Variants in PHLPP1 observed in about 807,000 individuals in gnomAD.
PHLPP1 encodes PH domain and leucine rich repeat protein phosphatase 1.
In PHLPP1, 42 loss-of-function variants were observed where a neutral mutation model predicts 117.2. The ratio of observed to expected loss-of-function variants is 0.36; its 90% CI spans 0.28 to 0.46. PHLPP1 has a LOEUF of 0.46. Among genes scored for constraint, PHLPP1 ranks in the 20% least tolerant of loss-of-function variants. The probability of loss-of-function intolerance (pLI) is 1.00; values close to 1 mark genes in which losing one functional copy is unlikely to be tolerated. For missense variants in PHLPP1, 2,084 were observed against 2,241.9 expected (o/e 0.93, Z 1.42); for synonymous variants, 1,042 against 970.7 (o/e 1.07, Z -1.37).
chr18:62,946,586 TCA>T, intron 12 of PHLPP1, among the ~76,000 whole-genome samples: 1 of 152,296 alleles, frequency 6.6e-6, no homozygotes, highest in South Asian at 2.1e-4. Context: ...TAACTTTTTA[TCA>T]CAACAGTTTT....
At chr18:62,824,273 A>G (rs1914548280) in intron 1 of PHLPP1, 1 of 444,352 alleles carries the variant, frequency 2.3e-6, no homozygotes, top group Admixed American at 2.6e-5. Context: ...GTCTATACCA[A>G]GACTTGTACA....
intron 1 of PHLPP1, among the ~76,000 whole-genome samples, chr18:62,807,175 T>C (rs1913974972): frequency 6.6e-6 from 1 of 152,150 alleles, no homozygotes; most frequent in African/African-American, 2.4e-5. Flanking sequence ...TTTTCTTCTT[T>C]GTTATACAAA....
chr18:62,958,595 A>T (rs760221742), intron 12 of PHLPP1, 34 bp from the exon 13 acceptor site: 8 of 1,612,204 alleles, frequency 5.0e-6, no homozygotes, highest in Non-Finnish European at 5.9e-6. Context: ...TCTCTAGACC[A>T]TCTCTTTCTT....
chr18:62,735,410 C>G (rs139205878), intron 1 of PHLPP1, among the ~76,000 whole-genome samples: 1 of 152,172 alleles, frequency 6.6e-6, no homozygotes, highest in East Asian at 1.9e-4. Context: ...AGATACCACA[C>G]AGAAGTTCAT....
At position 62,903,667 on chromosome 18, in the gene PHLPP1, A is replaced by G. The variant is rs540144272; in HGVS notation, c.2647+501A>G. Among the ~76,000 whole-genome samples the G allele has an allele frequency of 3.4e-4, 52 of 151,926 alleles. 1 individual carries two copies. Among genetic ancestry groups the G allele is most frequent in the Non-Finnish European group, 4.6e-4 (31 of 67,962 alleles). On this transcript the variant is annotated intron_variant, in intron 7 of 16. Transcript: ENST00000262719. ...TAGTCCCAGCTACTTGGGAATGGGA[A>G]GCTGAGGCAGGAGGATTGCTGGAGC...
At chr18:62,931,038 T>C (rs1909790203) in intron 10 of PHLPP1, among the ~76,000 whole-genome samples, 1 of 150,754 alleles carries the variant, frequency 6.6e-6, no homozygotes, top group Admixed American at 6.6e-5. Context: ...AAAAAGAAAA[T>C]ACAAAAAAAT....
intron 10 of PHLPP1, among the ~76,000 whole-genome samples, chr18:62,920,687 G>C (rs532355059): frequency 6.6e-6 from 1 of 152,214 alleles, no homozygotes; most frequent in South Asian, 2.1e-4. Context: ...AGCCTCCCAA[G>C]TAGCTGGAAC....
intron 1 of PHLPP1, among the ~76,000 whole-genome samples, chr18:62,741,269 T>G (rs573336577): frequency 6.6e-6 from 1 of 152,328 alleles, no homozygotes; most frequent in Non-Finnish European, 1.5e-5. Context: ...ACTTTGTATT[T>G]ATTGGGCTAG....
intron 1 of PHLPP1, among the ~76,000 whole-genome samples, chr18:62,817,694 A>C (rs542649897): frequency 4.1e-4 from 62 of 152,134 alleles, no homozygotes; most frequent in Non-Finnish European, 8.1e-4. Flanking sequence ...ATCAAATTTG[A>C]CCATAAATCT....
chr18:62,843,644 GGTTGTAAATTCATTC>G (rs1306207751), intron 3 of PHLPP1, among the ~76,000 whole-genome samples: 2 of 152,112 alleles, frequency 1.3e-5, no homozygotes, highest in Non-Finnish European at 2.9e-5. Flanking sequence ...TTACTATATT[GGTTGTAAATTCATTC>G]CTAAAATATT....
At chr18:62,893,704 T>TTA (rs552099132) in intron 4 of PHLPP1, among the ~76,000 whole-genome samples, 51 of 152,226 alleles carry the variant, frequency 3.4e-4, no homozygotes, top group African/African-American at 1.2e-3. Context: ...TTTAAAGGAG[T>TTA]TAGCATAACG....
chr18:62,875,016 G>A (rs1381450015), intron 4 of PHLPP1, among the ~76,000 whole-genome samples: 3 of 152,144 alleles, frequency 2.0e-5, no homozygotes, highest in Admixed American at 6.5e-5. Context: ...GTACAGTGGC[G>A]CGATCTTGGC....
chr18:62,860,005 G>A (rs1915593441), intron 3 of PHLPP1, among the ~76,000 whole-genome samples: 1 of 152,228 alleles, frequency 6.6e-6, no homozygotes, highest in Non-Finnish European at 1.5e-5. Flanking sequence ...GCAAACATCA[G>A]TGTGTACTTA....
Position 62,900,433 on chromosome 18 carries a change from C to CTTTTTTTTTTTTTT in PHLPP1, c.2445-2516_2445-2503dup, listed in dbSNP as rs774225759. ...GTATTCTTGTTTTTTCTTTTTCTTTCTTTTTTTTTTTTTTTTTTTTTTTTT... is the reference window on the plus strand; with the variant it reads ...GTATTCTTGTTTTTTCTTTTTCTTTCTTTTTTTTTTTTTTTTTTTTTTTTTTTTTTTTTTTTTTT... On this transcript the variant is annotated intron_variant, in intron 6 of 16. Coordinates refer to ENST00000262719, the MANE Select transcript of PHLPP1 (RefSeq NM_194449.4). Among the ~76,000 whole-genome samples, 7 of 54,258 alleles carry CTTTTTTTTTTTTTT rather than the reference C, an allele frequency of 1.3e-4. 2 individuals carry two copies. The highest frequency in any genetic ancestry group is 4.1e-4 in the African/African-American group (5 of 12,284). The allele number at this position is 54,258 out of a possible 152,430, so 35.6% of individuals were successfully genotyped here. A position where few individuals can be genotyped will look rare whatever the true frequency, so the allele number is the denominator to read the frequency against.
At chr18:62,837,704 T>C (rs2144339232) in intron 2 of PHLPP1, 1 of 151,600 alleles carries the variant, frequency 6.6e-6, no homozygotes, top group Middle Eastern at 3.4e-3. Context: ...AGACAGAGTC[T>C]TGCTCTGTCA....
Position 62,905,245 on chromosome 18 carries a change from A to G in PHLPP1, c.2669A>G (p.Tyr890Cys). 1 of 1,550,488 alleles carries G rather than the reference A, an allele frequency of 6.4e-7. No homozygotes were observed. The highest frequency in any genetic ancestry group is 8.7e-7 in the Non-Finnish European group (1 of 1,149,604). ...SSNELVQLDV[Y>C]PVPNYLSYMD... ...CTAGAACTTGTTCAACTTGATGTTT[A>G]CCCAGTTCCAAATTATCTGTCCTAC... Residue 890 changes from tyrosine to cysteine, a missense_variant, in exon 8 of 17, where the codon TAC (tyrosine) becomes TGC (cysteine). By Grantham distance (194) the Tyr-to-Cys change is radical. Coordinates refer to ENST00000262719, the MANE Select transcript of PHLPP1 (RefSeq NM_194449.4).
intron 10 of PHLPP1, among the ~76,000 whole-genome samples, chr18:62,922,526 A>G (rs1304874944): frequency 1.3e-5 from 2 of 152,216 alleles, no homozygotes; most frequent in African/African-American, 4.8e-5. Context: ...ATACTATAAA[A>G]TTTGATTTCT....
At chr18:62,975,251 A>G in intron 15 of PHLPP1, 146 bp from the exon 16 acceptor site, 1 of 628,846 alleles carries the variant, frequency 1.6e-6, no homozygotes, top group Non-Finnish European at 2.9e-6. Context: ...GAGGCAGAGC[A>G]GTGTGTGCTT....
At chr18:62,752,835 C>T (rs1267802842) in intron 1 of PHLPP1, among the ~76,000 whole-genome samples, 2 of 152,156 alleles carry the variant, frequency 1.3e-5, no homozygotes, top group Non-Finnish European at 2.9e-5. Flanking sequence ...TTGAAGCTGA[C>T]CATGCAGTTA....
Sources: gnomAD v4.1 joint callset for allele counts (sites outside exome capture counted in the v4.1 genomes callset) on GRCh38, gnomAD v4.1.1 for gene constraint, MANE v1.5 for transcripts, NCBI Gene and HGNC (gene_info 2026-07-23, HGNC 2026-07-21) for gene names.